Variants in PDP1 observed in about 807,000 individuals in gnomAD.
PDP1 encodes pyruvate dehydrogenase phosphatase catalytic subunit 1.
In PDP1, 14 loss-of-function variants were observed where a neutral mutation model predicts 37.1. That is an observed-to-expected ratio of 0.38 (90% CI 0.25 to 0.59). The LOEUF (loss-of-function observed/expected upper bound fraction) is 0.59. Among genes scored for constraint, PDP1 ranks in the 20% least tolerant of loss-of-function variants. The pLI is 0.67. For missense variants in PDP1, 544 were observed against 655.3 expected (o/e 0.83, Z 1.85); for synonymous variants, 251 against 243.3 (o/e 1.03, Z -0.29).
Position 93,925,696 on chromosome 8 carries a change from G to A in PDP1, c.*2023G>A, listed in dbSNP as rs1810413245. 6.0e-6 allele frequency: 1 copy of A among 167,056 alleles called. No individual in the cohort carries two copies. Among genetic ancestry groups the A allele is most frequent in the South Asian group, 2.1e-4 (1 of 4,828 alleles). 10.3% of individuals were successfully genotyped at this position (167,056 alleles called of 1,614,324 possible). On this transcript the variant is annotated 3_prime_UTR_variant, in exon 2 of 2. Coordinates refer to ENST00000297598, the MANE Select transcript of PDP1 (RefSeq NM_018444.4). Reference sequence around the variant, plus strand: ...ACATTGTGGAAATGAAAGTAATTGGGTATTAGAAATCTGAAAGTACTGTCA... The same window carrying A: ...ACATTGTGGAAATGAAAGTAATTGGATATTAGAAATCTGAAAGTACTGTCA...
chr8:93,921,787 T>A (rs1200831083), intron 1 of PDP1: 2 of 472,048 alleles, frequency 4.2e-6, no homozygotes. Context: ...GAAGTTTGAG[T>A]ATAGGAGCCA....
rs35206254 is a variant in PDP1, at chr8:93,919,496, T to TCC, written c.-45+2426_-45+2427dup. 7.7e-4 allele frequency among the ~76,000 whole-genome samples: 71 copies of TCC among 92,108 alleles called. 2 individuals are homozygous for TCC. The highest frequency in any genetic ancestry group is 2.0e-3 in the South Asian group (5 of 2,548). 60.4% of individuals were successfully genotyped at this position (92,108 alleles called of 152,430 possible). A position where few individuals can be genotyped will look rare whatever the true frequency, so the allele number is the denominator to read the frequency against. On this transcript the variant is annotated intron_variant, in intron 1 of 1. Coordinates refer to ENST00000297598, the MANE Select transcript of PDP1 (RefSeq NM_018444.4). ...AAATTCCTCCCCCCGCTGCCCTCCC[T>TCC]CCCCCCCCCCGGCAAAAAAATGTCG...
At chr8:93,917,894 C>T (rs1319028716) in intron 1 of PDP1, 1 of 1,613,932 alleles carries the variant, frequency 6.2e-7, no homozygotes. Context: ...GTTGTCGGCT[C>T]CGTGTTGTGA....
At position 93,922,659 on chromosome 8, in the gene PDP1, T is replaced by A. The variant is rs541907484; in HGVS notation, c.600T>A (p.Phe200Leu). 1.6e-5 allele frequency: 26 copies of A among 1,614,050 alleles called. No individual in the cohort carries two copies. Among genetic ancestry groups the A allele is most frequent in the Non-Finnish European group, 2.2e-5 (26 of 1,180,036 alleles). The change falls in exon 2 of 2, where the codon TTT becomes TTA. Residue 200 changes from phenylalanine to leucine, a missense_variant. This residue lies in a region of PDP1 where 342 missense variants were observed against 414.0 expected (regional missense o/e 0.83). Coordinates refer to ENST00000297598, the MANE Select transcript of PDP1 (RefSeq NM_018444.4). The surrounding 1 kb of genome is among the most constrained non-coding windows in gnomAD (Gnocchi z 4.0). Reference protein sequence around the residue: ...LQWHKHPNDYFSKEASKLYFN... With the variant: ...LQWHKHPNDYLSKEASKLYFN... ...GGCACAAGCACCCCAATGATTACTT[T>A]AGTAAGGAGGCATCCAAATTGTACT... is the stretch of plus-strand genomic sequence containing the variant.
At chr8:93,920,783 A>G (rs779197660) in intron 1 of PDP1, 9 of 773,898 alleles carry the variant, frequency 1.2e-5, no homozygotes, top group Admixed American at 6.6e-5. Flanking sequence ...TTTATTTTTA[A>G]TTTACAATTG....
chr8:93,923,344 G>A lies in PDP1; in HGVS notation c.1285G>A (p.Val429Met). 1 of 1,614,170 alleles carries A rather than the reference G, an allele frequency of 6.2e-7. No individual in the cohort carries two copies. The highest frequency in any genetic ancestry group is 2.2e-5 in the East Asian group (1 of 44,876). The change falls in exon 2 of 2, where the codon GTG becomes ATG. Residue 429 changes from valine (V) to methionine (M), a missense_variant. Around this residue, in one of 5 missense-constraint regions of PDP1, gnomAD observed 159 missense variants for 165.5 expected, o/e 0.96. Coordinates refer to ENST00000297598, the MANE Select transcript of PDP1 (RefSeq NM_018444.4). This position sits in a 1 kb window ranked among gnomAD's most constrained non-coding sequence, Gnocchi z 4.3. ...GTGGGAGACTATGCATAGGCAGGAT[G>A]TGGTTAGGATTGTGGGTGAGTACCT... Reference protein sequence around the residue: ...GLWETMHRQDVVRIVGEYLTG... With the variant: ...GLWETMHRQDMVRIVGEYLTG...
At chr8:93,918,456 A>G (rs1810156422) in intron 1 of PDP1, among the ~76,000 whole-genome samples, 1 of 152,214 alleles carries the variant, frequency 6.6e-6, no homozygotes, top group South Asian at 2.1e-4. Context: ...GTCTTGGCAC[A>G]GGCTCTGCTA....
In PDP1 at chr8:93,922,093, A is replaced by G. The variant is rs1479065511; in HGVS notation, c.34A>G (p.Ile12Val). 4 of 1,613,098 alleles carry G rather than the reference A, an allele frequency of 2.5e-6. No individual in the cohort carries two copies. The African/African-American group carries it at 5.3e-5, about 22-fold the overall frequency. The change falls in exon 2 of 2, where the codon ATC becomes GTC. Residue 12 changes from isoleucine to valine, a missense_variant. By Grantham distance (29) the Ile-to-Val change is conservative. Transcript: ENST00000297598. This position sits in a 1 kb window ranked among gnomAD's most constrained non-coding sequence, Gnocchi z 4.0. ...PAPTQLFFPLIRNCELSRIYG... is the reference protein window; with the variant it reads ...PAPTQLFFPLVRNCELSRIYG... ...ACCAACTCAACTGTTTTTTCCTCTCATCCGTAACTGTGAACTGAGCAGGAT... is the reference window on the plus strand; with the variant it reads ...ACCAACTCAACTGTTTTTTCCTCTCGTCCGTAACTGTGAACTGAGCAGGAT...
At position 93,923,130 on chromosome 8, in the gene PDP1, G is replaced by T; in HGVS notation, c.1071G>T (p.Lys357Asn). The T allele has an allele frequency of 1.2e-6, 2 of 1,614,224 alleles. No individual in the cohort carries two copies. Among genetic ancestry groups the T allele is most frequent in the Non-Finnish European group, 1.7e-6 (2 of 1,180,038 alleles). The stretch of plus-strand genomic sequence containing the variant: ...CATTTAGGGCATTTGGAGATGTAAA[G>T]TTCAAATGGAGCATTGACCTTCAAA... ...LMPFRAFGDV[K>N]FKWSIDLQKR... The change falls in exon 2 of 2, where the codon AAG (lysine) becomes AAT (asparagine). Residue 357 changes from lysine (K) to asparagine (N), a missense_variant. Lys to Asn is a moderately conservative substitution (Grantham distance 94). Coordinates refer to ENST00000297598, the MANE Select transcript of PDP1 (RefSeq NM_018444.4). This position sits in a 1 kb window ranked among gnomAD's most constrained non-coding sequence, Gnocchi z 4.3.
At position 93,923,469 on chromosome 8, in the gene PDP1, C is replaced by T; in HGVS notation, c.1410C>T (p.Ser470=). The T allele has an allele frequency of 6.3e-7, 1 of 1,599,176 alleles. No homozygotes were observed. Among genetic ancestry groups the T allele is most frequent in the Non-Finnish European group, 8.5e-7 (1 of 1,170,014 alleles). The change falls in exon 2 of 2, where the codon TCC becomes TCT. Residue 470 remains serine (S), a synonymous_variant. Coordinates refer to ENST00000297598, the MANE Select transcript of PDP1 (RefSeq NM_018444.4). This position sits in a 1 kb window ranked among gnomAD's most constrained non-coding sequence, Gnocchi z 4.3. The part of the protein sequence containing the change: ...GLLTERRTKM[S]SVFEDQNAAT... ...TAACAGAAAGGAGAACCAAAATGTC[C>T]TCGGTATTTGAGGATCAGAACGCAG...
At chr8:93,917,522 C>CCGGGCAGGGCGGGG in intron 1 of PDP1, among the ~76,000 whole-genome samples, 1 of 151,744 alleles carries the variant, frequency 6.6e-6, no homozygotes, top group East Asian at 2.0e-4. Flanking sequence ...CGGGGCCGGG[C>CCGGGCAGGGCGGGG]CGGGCAGGGC....
Position 93,922,569 on chromosome 8 carries a change from T to A in PDP1, c.510T>A (p.His170Gln), listed in dbSNP as rs200661557. 1.2e-6 allele frequency: 2 copies of A among 1,614,034 alleles called. No homozygotes were observed. Among genetic ancestry groups the A allele is most frequent in the African/African-American group, 2.7e-5 (2 of 75,034 alleles). ...FYYIAVSLLP[H>Q]ETLLEIENAV... The stretch of plus-strand genomic sequence containing the variant: ...ATATTGCTGTCTCTTTGTTACCCCA[T>A]GAGACTTTGCTAGAGATTGAAAATG... Residue 170 changes from histidine (H) to glutamine (Q), a missense_variant, in exon 2 of 2, where the codon CAT (histidine) becomes CAA (glutamine). This residue lies in a region of PDP1 where 342 missense variants were observed against 414.0 expected (regional missense o/e 0.83). Coordinates refer to ENST00000297598, the MANE Select transcript of PDP1 (RefSeq NM_018444.4). This position sits in a 1 kb window ranked among gnomAD's most constrained non-coding sequence, Gnocchi z 4.0.
intron 1 of PDP1, chr8:93,919,750 G>T (rs1810206741): frequency 6.6e-6 from 1 of 151,912 alleles, no homozygotes; most frequent in African/African-American, 2.4e-5. Flanking sequence ...AATTCATTAA[G>T]ATTACATTAG....
chr8:93,920,977 C>T, intron 1 of PDP1: 1 of 983,942 alleles, frequency 1.0e-6, no homozygotes, highest in East Asian at 1.1e-4. Context: ...CTTATAGCTG[C>T]TAAGCAGGGA....
intron 1 of PDP1, chr8:93,919,931 C>T (rs565726882): frequency 5.3e-5 from 8 of 152,344 alleles, no homozygotes; most frequent in African/African-American, 1.7e-4. Flanking sequence ...CTCTGGATGA[C>T]TTTCAGGTAT....
chr8:93,917,869 GCGCGGGTTGTGGATGTTGTCGGCTC>G, intron 1 of PDP1: 1 of 1,613,850 alleles, frequency 6.2e-7, no homozygotes, highest in Non-Finnish European at 8.5e-7. Context: ...GCTGCTGCCC[GCGCGGGTTGTGGATGTTGTCGGCTC>G]CGTGTTGTGA....
At chr8:93,918,234 A>G (rs1810148756) in intron 1 of PDP1, among the ~76,000 whole-genome samples, 1 of 152,226 alleles carries the variant, frequency 6.6e-6, no homozygotes, top group African/African-American at 2.4e-5. Context: ...ATTTCCAGAA[A>G]AATGTTGAAA....
chr8:93,918,356 T>C (rs2130858230), intron 1 of PDP1, among the ~76,000 whole-genome samples: 1 of 152,330 alleles, frequency 6.6e-6, no homozygotes. Flanking sequence ...CATCAGAAGC[T>C]TTGCAAAGCT....
intron 1 of PDP1, chr8:93,920,045 G>A (rs79623810): frequency 5.3e-5 from 8 of 152,034 alleles, no homozygotes; most frequent in Non-Finnish European, 8.8e-5. Flanking sequence ...TTTTAGTTAC[G>A]GATTCTTATT....
Sources: allele counts gnomAD v4.1 joint callset (sites outside exome capture counted in the v4.1 genomes callset), GRCh38; gene constraint gnomAD v4.1.1; regional missense constraint gnomAD v4.1.1; non-coding constraint Gnocchi (gnomAD v3.1); transcripts MANE v1.5; gene names NCBI Gene and HGNC (gene_info 2026-07-23, HGNC 2026-07-21).